ASIC5: variants seen among roughly 807,000 people sequenced by gnomAD.
ASIC5 encodes the protein bile acid-sensitive ion channel.
In ASIC5, 52 loss-of-function variants were observed where a neutral mutation model predicts 51.2. That is an observed-to-expected ratio of 1.02 (90% CI 0.81 to 1.28). ASIC5 has a LOEUF of 1.28. Among genes scored for constraint, ASIC5 ranks in the 50% most tolerant of loss-of-function variants. The pLI, the probability that ASIC5 is intolerant of heterozygous loss-of-function variation, is 0.00. For synonymous variants in ASIC5, 231 were observed against 200.7 expected, an observed-to-expected ratio of 1.15 and a Z score of -1.28; for missense variants, 635 against 595.0, an observed-to-expected ratio of 1.07 and a Z score of -0.70.
rs142024528 is a variant in ASIC5 at position 155,831,847 on chromosome 4, G to A, written c.1304C>T (p.Ala435Val). 91 of 1,604,344 alleles carry A rather than the reference G, an allele frequency of 5.7e-5. No individual in the cohort carries two copies. The African/African-American group carries it at 8.7e-4, about 15-fold the overall frequency. ...ACCAAGTAACTCAGACACACTCACC[G>A]CCTTTTGCTGCTGGGTTATCTTATA... ...LNYKITQQQK[A>V]VSVSELLADL... The change falls in exon 9 of 10, where the codon GCG becomes GTG. Residue 435 changes from alanine (A) to valine (V), a missense_variant. Coordinates refer to ENST00000537611, the MANE Select transcript of ASIC5 (RefSeq NM_017419.3).
At chr4:155,855,451 C>T (rs1407629760) in intron 2 of ASIC5, 1 of 151,932 alleles carries the variant, frequency 6.6e-6, no homozygotes, top group African/African-American at 2.4e-5. Context: ...TTCTGCATTC[C>T]ATATGGTTCT....
chr4:155,834,211 TG>T (rs1740929103), intron 8 of ASIC5, among the ~76,000 whole-genome samples: 1 of 152,156 alleles, frequency 6.6e-6, no homozygotes, highest in Non-Finnish European at 1.5e-5. Context: ...CTCAACATTT[TG>T]AGGTACAGCA....
intron 6 of ASIC5, among the ~76,000 whole-genome samples, chr4:155,840,262 T>A (rs1741086875): frequency 6.6e-6 from 1 of 151,814 alleles, no homozygotes; most frequent in South Asian, 2.1e-4. Context: ...GAATGAGAAA[T>A]CAGAGCCAGA....
chr4:155,853,927 G>A (rs1226580574), intron 3 of ASIC5, 150 bp downstream of exon 3: 4 of 631,580 alleles, frequency 6.3e-6, no homozygotes, highest in Non-Finnish European at 1.1e-5. Flanking sequence ...CCATACCCCT[G>A]ATATCATAAG....
chr4:155,840,916 C>A (rs1213498210), intron 6 of ASIC5, among the ~76,000 whole-genome samples: 11 of 152,002 alleles, frequency 7.2e-5, no homozygotes, highest in African/African-American at 2.7e-4. Flanking sequence ...TCTGGCCCAT[C>A]TGGTTTTGTG....
At chr4:155,866,163 C>G (rs1485201034) in intron 1 of ASIC5, 24 bp downstream of exon 1, 1 of 1,504,478 alleles carries the variant, frequency 6.6e-7, no homozygotes, top group East Asian at 2.3e-5. Context: ...TATTACTGCT[C>G]TGAGGAGTTC....
At position 155,843,782 on chromosome 4, in the gene ASIC5, T is replaced by C. The variant is rs778515882; in HGVS notation, c.760A>G (p.Ile254Val). ...TTCTTTGGTGAATGGATAACAAAGA[T>C]GATCCCAGCATCAACGAAACCAAGG... ...PALGFVDAGI[I>V]FVIHSPKKVP... Residue 254 changes from isoleucine (I) to valine (V), a missense_variant, in exon 5 of 10, where the codon ATC (isoleucine) becomes GTC (valine). Physicochemically the swap from Ile to Val is conservative, Grantham distance 29. Coordinates refer to ENST00000537611, the MANE Select transcript of ASIC5 (RefSeq NM_017419.3). The C allele has an allele frequency of 4.3e-6, 7 of 1,613,666 alleles. No homozygotes were observed. The Admixed American group carries it at 1.0e-4, about 23-fold the overall frequency.
intron 2 of ASIC5, among the ~76,000 whole-genome samples, chr4:155,862,853 T>C (rs149940710): frequency 1.1e-4 from 17 of 152,302 alleles, no homozygotes; most frequent in South Asian, 2.1e-4. Context: ...CTTCTTCATC[T>C]CCACTTAGAA....
chr4:155,848,208 C>G (rs1741300731), intron 4 of ASIC5, among the ~76,000 whole-genome samples: 1 of 151,820 alleles, frequency 6.6e-6, no homozygotes, highest in Non-Finnish European at 1.5e-5. Flanking sequence ...AAATGAATGA[C>G]TTTACAATAA....
In ASIC5 at chr4:155,829,909, T is replaced by TC; in HGVS notation, c.1464dup (p.Thr489AspfsTer11). The stretch of plus-strand genomic sequence containing the variant: ...CCCAGATGATTCTGAGGTGGAGGAG[T>TC]CCACTGGGTCATTTCAGATATCTTC... On this transcript the variant is annotated frameshift_variant, in exon 10 of 10. Coordinates refer to ENST00000537611, the MANE Select transcript of ASIC5 (RefSeq NM_017419.3). LOFTEE classifies it low-confidence loss of function (END_TRUNC). 3 of 1,605,362 alleles carry TC rather than the reference T, an allele frequency of 1.9e-6. No homozygotes were observed. The highest frequency in any genetic ancestry group is 2.5e-6 in the Non-Finnish European group (3 of 1,176,844).
chr4:155,863,825 A>T (rs967042150), intron 1 of ASIC5, 71 bp from the exon 2 acceptor site: 79 of 1,221,240 alleles, frequency 6.5e-5, no homozygotes, highest in Non-Finnish European at 8.7e-5. Flanking sequence ...ATCCGTAAAA[A>T]AACACAACTC....
At chr4:155,851,281 T>C (rs1741376791) in intron 4 of ASIC5, among the ~76,000 whole-genome samples, 1 of 151,970 alleles carries the variant, frequency 6.6e-6, no homozygotes, top group African/African-American at 2.4e-5. Context: ...TGCATTAAAG[T>C]TTGCAGTGTT....
At chr4:155,841,969 T>C (rs1474373007) in intron 6 of ASIC5, among the ~76,000 whole-genome samples, 4 of 152,192 alleles carry the variant, frequency 2.6e-5, no homozygotes. Context: ...CAAAGAAATT[T>C]AGGACTAAAC....
intron 4 of ASIC5, among the ~76,000 whole-genome samples, chr4:155,849,530 T>C (rs190486601): frequency 6.6e-6 from 1 of 152,188 alleles, no homozygotes; most frequent in Non-Finnish European, 1.5e-5. Flanking sequence ...AAATTTTATG[T>C]CCTAATTAAT....
At chr4:155,856,227 C>G (rs1056347497) in intron 2 of ASIC5, among the ~76,000 whole-genome samples, 2 of 152,066 alleles carry the variant, frequency 1.3e-5, no homozygotes, top group Non-Finnish European at 2.9e-5. Flanking sequence ...TCATTGTAAG[C>G]CTTTTCTTCT....
At chr4:155,852,528 C>T (rs1209102213) in intron 3 of ASIC5, among the ~76,000 whole-genome samples, 2 of 150,632 alleles carry the variant, frequency 1.3e-5, no homozygotes, top group African/African-American at 2.4e-5. Context: ...TTAAAGGAGA[C>T]ATTTTCATAT....
At chr4:155,861,959 T>A (rs895930473) in intron 2 of ASIC5, among the ~76,000 whole-genome samples, 2 of 152,102 alleles carry the variant, frequency 1.3e-5, no homozygotes, top group African/African-American at 4.8e-5. Flanking sequence ...TCCAGTAGAC[T>A]TGAATTTGAG....
chr4:155,844,986 G>A (rs2111243084), intron 4 of ASIC5, among the ~76,000 whole-genome samples: 1 of 152,072 alleles, frequency 6.6e-6, no homozygotes, highest in East Asian at 1.9e-4. Flanking sequence ...AAGTCTGCTA[G>A]CAGCACATTT....
At chr4:155,843,407 C>T (rs1463718353) in intron 5 of ASIC5, among the ~76,000 whole-genome samples, 2 of 152,082 alleles carry the variant, frequency 1.3e-5, no homozygotes, top group Admixed American at 1.3e-4. Context: ...AATCATAGCT[C>T]AGCAACTTAG....
Sources: allele counts gnomAD v4.1 joint callset (sites outside exome capture counted in the v4.1 genomes callset), GRCh38; gene constraint gnomAD v4.1.1; transcripts MANE v1.5; gene names NCBI Gene and HGNC (gene_info 2026-07-23, HGNC 2026-07-21).